AHCTF1: variants seen among roughly 807,000 people sequenced by gnomAD.
AHCTF1 encodes the protein AT-hook containing transcription factor 1, also known as protein ELYS.
In AHCTF1, 24 loss-of-function variants were observed where a neutral mutation model predicts 248.4. The observed-to-expected ratio is 0.10, with a 90% CI of 0.07 to 0.14. The LOEUF (loss-of-function observed/expected upper bound fraction) is 0.14. Among genes scored for constraint, AHCTF1 ranks in the 10% least tolerant of loss-of-function variants. The pLI, the probability that AHCTF1 is intolerant of heterozygous loss-of-function variation, is 1.00. For synonymous variants in AHCTF1, 786 were observed against 929.8 expected (o/e 0.85, Z 2.81); for missense variants, 2,206 against 2,636.2 (o/e 0.84, Z 3.57).
intron 1 of AHCTF1, among the ~76,000 whole-genome samples, chr1:246,922,523 T>A (rs1666614010): frequency 6.6e-6 from 1 of 151,368 alleles, no homozygotes; most frequent in Admixed American, 6.6e-5. Flanking sequence ...TCTCCTGGGC[T>A]CTAGCAATCT....
intron 4 of AHCTF1, among the ~76,000 whole-genome samples, chr1:246,911,126 T>C (rs1665768600): frequency 6.6e-6 from 1 of 152,216 alleles, no homozygotes. Flanking sequence ...CCAGAGACTT[T>C]CGTTATAAAA....
chr1:246,913,946 T>C (rs1391116103), intron 3 of AHCTF1, among the ~76,000 whole-genome samples: 1 of 152,192 alleles, frequency 6.6e-6, no homozygotes, highest in African/African-American at 2.4e-5. Flanking sequence ...AAAAAGATAT[T>C]TTAAGTCCTC....
chr1:246,920,253 T>C (rs2103235743), intron 1 of AHCTF1, among the ~76,000 whole-genome samples: 1 of 151,850 alleles, frequency 6.6e-6, no homozygotes, highest in East Asian at 1.9e-4. Context: ...CTTCAGATAT[T>C]GAAATTACCA....
At chr1:246,889,899 CGAT>C (rs1664100947) in intron 17 of AHCTF1, 64 bp downstream of exon 17, 3 of 1,182,390 alleles carry the variant, frequency 2.5e-6, no homozygotes, top group Non-Finnish European at 3.7e-6. Context: ...CTTTGTAAAA[CGAT>C]GAACACTATT....
intron 33 of AHCTF1, among the ~76,000 whole-genome samples, chr1:246,845,252 G>A (rs572467199): frequency 6.6e-6 from 1 of 152,136 alleles, no homozygotes; most frequent in South Asian, 2.1e-4. Context: ...TGTTTTTTGT[G>A]GGTACACAGT....
At position 246,898,348 on chromosome 1, in the gene AHCTF1, A is replaced by G. The variant is rs1664747601; in HGVS notation, c.1495-12T>C. The G allele has an allele frequency of 6.2e-7, 1 of 1,607,516 alleles. No homozygotes were observed. The highest frequency in any genetic ancestry group is 8.5e-7 in the Non-Finnish European group (1 of 1,177,064). On this transcript the variant is annotated splice_polypyrimidine_tract_variant and intron_variant, in intron 11 of 35. Coordinates refer to ENST00000648844, the MANE Select transcript of AHCTF1 (RefSeq NM_001323342.2). ...AAAAAAGTCAAAGTCTGTAACAGAT[A>G]AATTAGTAAGGCATCAATCAATGCT...
At chr1:246,864,201 T>C in intron 26 of AHCTF1, 85 bp from the exon 27 acceptor site, 1 of 1,301,298 alleles carries the variant, frequency 7.7e-7, no homozygotes, top group Non-Finnish European at 1.1e-6. Context: ...CTATATTCAC[T>C]GGTAACTATG....
intron 21 of AHCTF1, among the ~76,000 whole-genome samples, chr1:246,877,710 G>C (rs1327947424): frequency 6.6e-6 from 1 of 152,128 alleles, no homozygotes; most frequent in African/African-American, 2.4e-5. Flanking sequence ...TGTCCATGAG[G>C]AAGGGAAGAG....
chr1:246,862,428 C>T (rs985059471), intron 27 of AHCTF1, among the ~76,000 whole-genome samples: 109 of 151,082 alleles, frequency 7.2e-4, no homozygotes, highest in Non-Finnish European at 6.8e-4. Context: ...TGCAGTGAGC[C>T]GAGATTGCGC....
At chr1:246,841,608 C>T (rs1239969332) in intron 35 of AHCTF1, among the ~76,000 whole-genome samples, 2 of 152,074 alleles carry the variant, frequency 1.3e-5, no homozygotes, top group South Asian at 2.1e-4. Context: ...AGTTTTAGTG[C>T]TTTCTGTAAA....
intron 29 of AHCTF1, among the ~76,000 whole-genome samples, chr1:246,858,129 T>C (rs1453240266): frequency 6.6e-6 from 1 of 151,942 alleles, no homozygotes; most frequent in East Asian, 1.9e-4. Flanking sequence ...CCTGCTGATT[T>C]TTTGTATTTT....
chr1:246,900,303 AAG>A, intron 9 of AHCTF1, 32 bp downstream of exon 9: 1 of 1,582,974 alleles, frequency 6.3e-7, no homozygotes. Context: ...TACAAATACA[AAG>A]AGAAAGGAGA....
chr1:246,913,456 G>A (rs1665943472), intron 3 of AHCTF1, 44 bp from the exon 4 acceptor site: 2 of 1,541,220 alleles, frequency 1.3e-6, no homozygotes, highest in Non-Finnish European at 1.8e-6. Context: ...TGCAAAGTAA[G>A]AAAATATAAT....
intron 34 of AHCTF1, among the ~76,000 whole-genome samples, 187 bp downstream of exon 34, chr1:246,843,608 C>CTTG (rs1356399019): frequency 6.6e-6 from 1 of 152,030 alleles, no homozygotes; most frequent in Non-Finnish European, 1.5e-5. Context: ...GGTAGGAGGC[C>CTTG]TCCAAAGGGG....
At chr1:246,905,487 A>C in intron 6 of AHCTF1, 54 bp downstream of exon 6, 1 of 1,418,180 alleles carries the variant, frequency 7.1e-7, no homozygotes, top group Non-Finnish European at 9.9e-7. Flanking sequence ...ACAGAGCGAG[A>C]CTCTGTCTCC....
At chr1:246,889,609 T>C (rs1358574978) in intron 17 of AHCTF1, among the ~76,000 whole-genome samples, 1 of 152,032 alleles carries the variant, frequency 6.6e-6, no homozygotes, top group Admixed American at 6.5e-5. Flanking sequence ...TTTAAAGTAC[T>C]GATTCCCAGG....
At chr1:246,879,293 G>A (rs1272209760) in intron 21 of AHCTF1, among the ~76,000 whole-genome samples, 1 of 152,156 alleles carries the variant, frequency 6.6e-6, no homozygotes, top group Non-Finnish European at 1.5e-5. Flanking sequence ...GGTACACTGT[G>A]TTGATAAAAG....
intron 29 of AHCTF1, 150 bp from the exon 30 acceptor site, chr1:246,857,964 C>CTTCTT (rs111386980): frequency 0.077 from 37,534 of 488,266 alleles, 264 homozygotes; most frequent in East Asian, 0.084. Context: ...ACACTTTCTT[C>CTTCTT]TTTTTTTTTT....
chr1:246,843,766 A>G, intron 34 of AHCTF1, 29 bp downstream of exon 34: 1 of 1,341,346 alleles, frequency 7.5e-7, no homozygotes, highest in Middle Eastern at 2.9e-4. Context: ...GTTTTAACAA[A>G]CATACAAATA....
Sources: allele counts gnomAD v4.1 joint callset (sites outside exome capture counted in the v4.1 genomes callset), GRCh38; gene constraint gnomAD v4.1.1; transcripts MANE v1.5; gene names NCBI Gene and HGNC (gene_info 2026-07-23, HGNC 2026-07-21).